SLC24A2: variants seen among roughly 807,000 people sequenced by gnomAD.
The protein encoded by SLC24A2 is solute carrier family 24 member 2.
In SLC24A2, 36 loss-of-function variants were observed where a neutral mutation model predicts 62.0. The ratio of observed to expected loss-of-function variants is 0.58; its 90% CI spans 0.44 to 0.77. SLC24A2 has a LOEUF of 0.77. Ranked by LOEUF, SLC24A2 falls within the 30% of genes least tolerant of loss-of-function variation. The probability of loss-of-function intolerance (pLI) is 0.00; values close to 1 mark genes in which losing one functional copy is unlikely to be tolerated. For synonymous variants in SLC24A2, 358 were observed against 294.0 expected, an observed-to-expected ratio of 1.22 and a Z score of -2.23; for missense variants, 846 against 817.9, an observed-to-expected ratio of 1.03 and a Z score of -0.42.
the SLC24A2 span, among the ~76,000 whole-genome samples, chr9:20,249,940 ATAT>A: frequency 6.6e-6 from 1 of 152,202 alleles, no homozygotes; most frequent in Non-Finnish European, 1.5e-5. Flanking sequence ...ATAAAAGAAA[ATAT>A]GTACAATTTC....
the SLC24A2 span, among the ~76,000 whole-genome samples, chr9:19,796,611 T>TA: frequency 1.3e-5 from 2 of 152,246 alleles, no homozygotes; most frequent in African/African-American, 2.4e-5. Context: ...CCCACTCCCA[T>TA]ACTCTATTTT....
intron 5 of SLC24A2, among the ~76,000 whole-genome samples, chr9:19,580,522 A>G (rs1288607139): frequency 6.6e-6 from 1 of 152,236 alleles, no homozygotes; most frequent in Non-Finnish European, 1.5e-5. Flanking sequence ...GGCAGAAGCC[A>G]GCAGAGAACC....
intron 2 of SLC24A2, among the ~76,000 whole-genome samples, chr9:19,627,565 GC>G (rs1389064633): frequency 1.3e-5 from 2 of 152,074 alleles, no homozygotes; most frequent in Admixed American, 6.6e-5. Context: ...CTCTGTTGTT[GC>G]CCAGGCTGGA....
intron 8 of SLC24A2, among the ~76,000 whole-genome samples, chr9:19,540,556 G>T (rs569793448): frequency 6.7e-6 from 1 of 148,708 alleles, no homozygotes; most frequent in South Asian, 2.1e-4. Flanking sequence ...TGGCTTGTAG[G>T]GTTTCTGCCG....
the SLC24A2 span, among the ~76,000 whole-genome samples, chr9:20,230,656 G>C: frequency 2.8e-4 from 43 of 152,074 alleles, no homozygotes; most frequent in East Asian, 7.9e-3. Flanking sequence ...CGAGTAGATT[G>C]CAAAAATTTT....
intron 8 of SLC24A2, among the ~76,000 whole-genome samples, chr9:19,541,926 CG>C (rs1271323980): frequency 6.6e-6 from 1 of 152,194 alleles, no homozygotes; most frequent in African/African-American, 2.4e-5. Context: ...TTTTTCAAGC[CG>C]GTCTGAAAAG....
the SLC24A2 span, among the ~76,000 whole-genome samples, chr9:20,019,149 GAAAGAA>G: frequency 9.6e-4 from 101 of 105,248 alleles, 1 homozygote; most frequent in Middle Eastern, 4.4e-3. Context: ...AAGAAAGAAA[GAAAGAA>G]AGAGAGAGAG....
chr9:19,626,330 C>T (rs1032602255), intron 2 of SLC24A2, among the ~76,000 whole-genome samples: 1 of 152,262 alleles, frequency 6.6e-6, no homozygotes, highest in Admixed American at 6.5e-5. Flanking sequence ...GTCCATGGTT[C>T]ACTCTGGTAA....
At chr9:19,827,614 GT>G in the SLC24A2 span, among the ~76,000 whole-genome samples, 1 of 151,992 alleles carries the variant, frequency 6.6e-6, no homozygotes, top group Non-Finnish European at 1.5e-5. Context: ...CATGTTTAAT[GT>G]GGCATCTCTG....
chr9:19,578,604 C>T (rs920944490), intron 5 of SLC24A2, among the ~76,000 whole-genome samples: 3 of 151,796 alleles, frequency 2.0e-5, no homozygotes, highest in Non-Finnish European at 4.4e-5. Context: ...AACAGGGGAT[C>T]TCATTCTACT....
At chr9:20,269,121 C>T in the SLC24A2 span, among the ~76,000 whole-genome samples, 9 of 152,056 alleles carry the variant, frequency 5.9e-5, no homozygotes, top group South Asian at 1.9e-3. Context: ...TTGTTTTTTG[C>T]CTGAAGCACG....
chr9:20,068,906 C>T, the SLC24A2 span, among the ~76,000 whole-genome samples: 2 of 152,098 alleles, frequency 1.3e-5, no homozygotes, highest in Admixed American at 6.6e-5. Context: ...ACTCCTAGTT[C>T]TTTATTTCCA....
intron 2 of SLC24A2, among the ~76,000 whole-genome samples, chr9:19,766,322 T>C (rs1244951551): frequency 6.6e-6 from 1 of 152,238 alleles, no homozygotes; most frequent in Non-Finnish European, 1.5e-5. Flanking sequence ...TCATTCTCTG[T>C]CCAGTTTTGT....
chr9:19,860,113 G>C, the SLC24A2 span, among the ~76,000 whole-genome samples: 18 of 152,148 alleles, frequency 1.2e-4, no homozygotes, highest in Non-Finnish European at 2.2e-4. Flanking sequence ...ACACCAGCCA[G>C]GGTGGCTAAG....
At chr9:19,728,207 T>C (rs1381128819) in intron 2 of SLC24A2, among the ~76,000 whole-genome samples, 1 of 152,074 alleles carries the variant, frequency 6.6e-6, no homozygotes, top group Non-Finnish European at 1.5e-5. Flanking sequence ...AGGCGTACAG[T>C]TCCTCTATCT....
the SLC24A2 span, among the ~76,000 whole-genome samples, chr9:20,278,394 A>G: frequency 6.6e-6 from 1 of 152,186 alleles, no homozygotes; most frequent in Non-Finnish European, 1.5e-5. Context: ...GCTTTTATGA[A>G]CAACCAAGAC....
chr9:20,250,410 A>T, the SLC24A2 span, among the ~76,000 whole-genome samples: 2 of 152,212 alleles, frequency 1.3e-5, no homozygotes, highest in African/African-American at 4.8e-5. Flanking sequence ...ACCAATCAAC[A>T]GCTCTTTCCT....
At chr9:20,241,363 A>C in the SLC24A2 span, among the ~76,000 whole-genome samples, 1 of 152,212 alleles carries the variant, frequency 6.6e-6, no homozygotes, top group Admixed American at 6.5e-5. Flanking sequence ...TTGAGGGTCC[A>C]CTAGGGAAGC....
chr9:19,924,373 G>C, the SLC24A2 span, among the ~76,000 whole-genome samples: 2 of 152,098 alleles, frequency 1.3e-5, no homozygotes, highest in African/African-American at 2.4e-5. Context: ...CTGCTTTTGG[G>C]GGAGTCCACC....
Sources: gnomAD v4.1 joint callset for allele counts (sites outside exome capture counted in the v4.1 genomes callset) on GRCh38, gnomAD v4.1.1 for gene constraint, MANE v1.5 for transcripts, NCBI Gene and HGNC (gene_info 2026-07-23, HGNC 2026-07-21) for gene names.